PDE4D: variants seen among roughly 807,000 people sequenced by gnomAD.
PDE4D encodes the protein 3',5'-cyclic-AMP phosphodiesterase 4D.
A neutral mutation model predicts 87.4 loss-of-function variants in PDE4D; 24 were observed. That is an observed-to-expected ratio of 0.27 (90% CI 0.20 to 0.39). The LOEUF is 0.39. PDE4D is among the 10% of genes least tolerant of loss of function. The pLI is 1.00. For missense variants in PDE4D, 714 were observed against 1,041.0 expected (o/e 0.69, Z 4.32); for synonymous variants, 384 against 383.2 (o/e 1.00, Z -0.02).
chr5:59,201,839 C>T (rs1456239651), intron 2 of PDE4D, among the ~76,000 whole-genome samples: 2 of 152,010 alleles, frequency 1.3e-5, no homozygotes, highest in Non-Finnish European at 2.9e-5. Flanking sequence ...TCACAACTAC[C>T]AAAACTTTCA....
At position 60,406,870 on chromosome 5, in the gene PDE4D, T is replaced by C. The variant is rs191680720; in HGVS notation, c.-90+81072A>G. Reference sequence around the variant, plus strand: ...CTTGTAAATTATGTTGAAAAAAAAATGGCAGTAAAAATGAGTGTGGGGAGT... The same window carrying C: ...CTTGTAAATTATGTTGAAAAAAAAACGGCAGTAAAAATGAGTGTGGGGAGT... On this transcript the variant is annotated intron_variant, in intron 1 of 16. Transcript: ENST00000502484. Among the ~76,000 whole-genome samples the C allele has an allele frequency of 3.9e-3, 594 of 151,392 alleles. 4 individuals are homozygous for C. Among genetic ancestry groups the C allele is most frequent in the African/African-American group, 0.014 (583 of 41,246 alleles).
At position 58,993,468 on chromosome 5, in the gene PDE4D, G is replaced by A; in HGVS notation, c.922-3C>T. The A allele has an allele frequency of 6.4e-7, 1 of 1,554,778 alleles. No homozygotes were observed. Among genetic ancestry groups the A allele is most frequent in the Non-Finnish European group, 8.8e-7 (1 of 1,142,428 alleles). ...TCCCGATTAAGCATCCTTTTAAACT[G>A]AAAAACAGAAAAGTAAAATGAAATA... On this transcript the variant is annotated splice_region_variant and splice_polypyrimidine_tract_variant and intron_variant, in intron 6 of 14. Coordinates refer to ENST00000340635, the MANE Select transcript of PDE4D (RefSeq NM_001104631.2).
chr5:59,889,407 T>G (rs159617), intron 1 of PDE4D, among the ~76,000 whole-genome samples: 99,864 of 151,558 alleles, frequency 0.66, 34,650 homozygotes, highest in African/African-American at 0.86. Flanking sequence ...CTTGAGCACA[T>G]GTGTTCAAGG....
At chr5:59,390,048 A>G (rs1229473988) in intron 1 of PDE4D, among the ~76,000 whole-genome samples, 1 of 152,156 alleles carries the variant, frequency 6.6e-6, no homozygotes, top group African/African-American at 2.4e-5. Context: ...GTTATCTTAA[A>G]TACCCTGATT....
chr5:59,321,108 T>C (rs948900186), intron 1 of PDE4D, among the ~76,000 whole-genome samples: 5 of 152,124 alleles, frequency 3.3e-5, no homozygotes, highest in African/African-American at 9.6e-5. Context: ...ACTCCATCTG[T>C]ACTTTGTTCA....
chr5:59,958,111 G>A (rs1268994492), intron 3 of PDE4D, among the ~76,000 whole-genome samples: 1 of 151,984 alleles, frequency 6.6e-6, no homozygotes, highest in Non-Finnish European at 1.5e-5. Flanking sequence ...CCCGATTTTT[G>A]ATTTTGTACA....
At chr5:60,035,680 G>A (rs1767717281) in intron 2 of PDE4D, among the ~76,000 whole-genome samples, 4 of 152,188 alleles carry the variant, frequency 2.6e-5, no homozygotes, top group Admixed American at 2.6e-4. Context: ...TGGCAGAGGT[G>A]AGGGTGGCCA....
chr5:59,754,776 G>A (rs1760967582), intron 1 of PDE4D, among the ~76,000 whole-genome samples: 1 of 144,628 alleles, frequency 6.9e-6, no homozygotes, highest in Admixed American at 6.9e-5. Context: ...CCATTGGCAG[G>A]TACAGAATTT....
chr5:59,015,659 C>T (rs937643729), intron 6 of PDE4D, among the ~76,000 whole-genome samples: 2 of 152,162 alleles, frequency 1.3e-5, no homozygotes, highest in African/African-American at 4.8e-5. Context: ...AATAGGAACA[C>T]TTTTACACTG....
intron 6 of PDE4D, chr5:58,999,682 C>T (rs1387955984): frequency 9.1e-7 from 1 of 1,102,272 alleles, no homozygotes; most frequent in East Asian, 5.0e-5. Context: ...ATTAAGTATA[C>T]ATAAGAAAGC....
chr5:59,201,272 T>C (rs1747309420), intron 2 of PDE4D, among the ~76,000 whole-genome samples: 1 of 152,094 alleles, frequency 6.6e-6, no homozygotes, highest in African/African-American at 2.4e-5. Context: ...GCTGCACAGG[T>C]AATTCATGGG....
chr5:60,089,787 A>AC (rs1218791811), intron 2 of PDE4D, among the ~76,000 whole-genome samples: 5 of 151,786 alleles, frequency 3.3e-5, no homozygotes, highest in Admixed American at 3.3e-4. Flanking sequence ...ACTTTTAGCT[A>AC]CACCAACCAG....
chr5:59,973,478 C>A (rs1017789416), intron 3 of PDE4D, among the ~76,000 whole-genome samples: 1 of 138,924 alleles, frequency 7.2e-6, no homozygotes, highest in Non-Finnish European at 1.5e-5. Context: ...ATATCATAAT[C>A]CATAAGTATA....
At chr5:59,733,267 A>C (rs1757633805) in intron 1 of PDE4D, among the ~76,000 whole-genome samples, 1 of 152,148 alleles carries the variant, frequency 6.6e-6, no homozygotes, top group Non-Finnish European at 1.5e-5. Context: ...ATCCAAGGGC[A>C]ATGAAAGTTC....
At chr5:59,914,803 G>A (rs898153924) in intron 3 of PDE4D, among the ~76,000 whole-genome samples, 6 of 149,538 alleles carry the variant, frequency 4.0e-5, no homozygotes, top group Non-Finnish European at 7.4e-5. Context: ...TTGGCCCGGC[G>A]TGGAAGAAGT....
At position 59,386,233 on chromosome 5, in the gene PDE4D, G is replaced by A. The variant is rs190097756; in HGVS notation, c.456-170265C>T. Among the ~76,000 whole-genome samples the A allele has an allele frequency of 1.6e-4, 24 of 152,212 alleles. No individual in the cohort carries two copies. In the East Asian group the frequency reaches 4.2e-3, roughly 27 times the overall value. On this transcript the variant is annotated intron_variant, in intron 1 of 14. Transcript: ENST00000340635. Reference sequence around the variant, plus strand: ...TTAAAAACAATTTTATCTATTAAAAGTAGAAAAGGTATAAGAACATTTTCC... The same window carrying A: ...TTAAAAACAATTTTATCTATTAAAAATAGAAAAGGTATAAGAACATTTTCC...
chr5:59,195,953 T>TA (rs1745372329), intron 2 of PDE4D, among the ~76,000 whole-genome samples: 1 of 151,992 alleles, frequency 6.6e-6, no homozygotes, highest in African/African-American at 2.4e-5. Context: ...TTGAGGGCTT[T>TA]AAAGGGGCAA....
At chr5:59,286,955 G>A (rs1767070891) in intron 1 of PDE4D, among the ~76,000 whole-genome samples, 2 of 152,084 alleles carry the variant, frequency 1.3e-5, no homozygotes, top group Non-Finnish European at 1.5e-5. Flanking sequence ...GATGGAGAGG[G>A]AGGTGGAGCC....
chr5:59,217,935 T>G, intron 1 of PDE4D: 1 of 437,056 alleles, frequency 2.3e-6, no homozygotes, highest in Non-Finnish European at 4.5e-6. Context: ...TAGGCATTTA[T>G]TAAGCACTTA....
Sources: allele counts gnomAD v4.1 joint callset (sites outside exome capture counted in the v4.1 genomes callset), GRCh38; gene constraint gnomAD v4.1.1; transcripts MANE v1.5; gene names NCBI Gene and HGNC (gene_info 2026-07-23, HGNC 2026-07-21).